The following BIN2 variants were observed in gnomAD, a reference collection of about 807,000 sequenced individuals.
BIN2 encodes bridging integrator 2.
A neutral mutation model predicts 67.9 loss-of-function variants in BIN2; 43 were observed. The observed-to-expected ratio is 0.63, with a 90% CI of 0.50 to 0.82. BIN2 has a LOEUF of 0.82. BIN2 is among the 40% of genes least tolerant of loss of function. BIN2 has a pLI of 0.00. For synonymous variants in BIN2, 244 were observed against 246.8 expected, an observed-to-expected ratio of 0.99 and a Z score of 0.11; for missense variants, 581 against 671.6, an observed-to-expected ratio of 0.87 and a Z score of 1.49.
intron 1 of BIN2, among the ~76,000 whole-genome samples, chr12:51,321,178 G>A (rs1186390936): frequency 6.6e-6 from 1 of 152,188 alleles, no homozygotes; most frequent in Non-Finnish European, 1.5e-5. Context: ...AGATGTGAGA[G>A]TGGCTTATCA....
intron 1 of BIN2, among the ~76,000 whole-genome samples, chr12:51,322,089 C>T (rs1219763635): frequency 6.6e-6 from 1 of 152,180 alleles, no homozygotes; most frequent in Non-Finnish European, 1.5e-5. Context: ...TCTCTACTTC[C>T]TCAGGGTTCA....
At chr12:51,297,403 TAAAA>T in intron 7 of BIN2, 2 of 223,238 alleles carry the variant, frequency 9.0e-6, no homozygotes, top group Non-Finnish European at 1.7e-5. Context: ...CCGTCTCTAC[TAAAA>T]AAAAAAAAAA....
At chr12:51,319,705 T>C (rs1252963282) in intron 1 of BIN2, among the ~76,000 whole-genome samples, 1 of 152,146 alleles carries the variant, frequency 6.6e-6, no homozygotes. Flanking sequence ...TATTCCAGTG[T>C]TCATTGATTA....
At chr12:51,288,367 C>A (rs889543004) in intron 10 of BIN2, among the ~76,000 whole-genome samples, 179 bp from the exon 11 acceptor site, 15 of 152,180 alleles carry the variant, frequency 9.9e-5, no homozygotes, top group African/African-American at 3.6e-4. Context: ...ATCTCACACA[C>A]TTCTCCCGGA....
At chr12:51,312,470 T>C (rs1156481805) in intron 2 of BIN2, among the ~76,000 whole-genome samples, 1 of 152,220 alleles carries the variant, frequency 6.6e-6, no homozygotes, top group Non-Finnish European at 1.5e-5. Context: ...CATATTCCCA[T>C]TGCAATGCTC....
chr12:51,302,032 G>A lies in BIN2; in HGVS notation c.396C>T (p.Phe132=). The change falls in exon 5 of 13, where the codon TTC becomes TTT. Residue 132 remains phenylalanine, a synonymous_variant. Transcript: ENST00000615107. ...VRTMEIYVAQ[F]SEIKERIAKR... ...GTACATTGAGTACCTTAATTTCACTGAACTGGGCAACATAGATTTCCATGG... is the reference window on the plus strand; with the variant it reads ...GTACATTGAGTACCTTAATTTCACTAAACTGGGCAACATAGATTTCCATGG... 2 of 1,612,442 alleles carry A rather than the reference G, an allele frequency of 1.2e-6. No homozygotes were observed. The highest frequency in any genetic ancestry group is 2.2e-5 in the East Asian group (1 of 44,868).
At chr12:51,296,982 A>G in intron 8 of BIN2, 107 bp downstream of exon 8, 1 of 1,047,878 alleles carries the variant, frequency 9.5e-7, no homozygotes, top group Non-Finnish European at 1.4e-6. Context: ...AAAAGCCAAA[A>G]TCTGTGGTGC....
At chr12:51,313,081 A>C (rs985793983) in intron 2 of BIN2, among the ~76,000 whole-genome samples, 18 of 151,930 alleles carry the variant, frequency 1.2e-4, no homozygotes, top group African/African-American at 4.1e-4. Flanking sequence ...AAAAATAAAA[A>C]GAAAAAATTA....
intron 1 of BIN2, among the ~76,000 whole-genome samples, chr12:51,320,834 C>T (rs1042417713): frequency 2.0e-5 from 3 of 151,706 alleles, no homozygotes; most frequent in East Asian, 1.9e-4. Context: ...TGGTAAACAA[C>T]GCCCCTTCTC....
At chr12:51,305,755 G>A (rs952627422) in intron 2 of BIN2, among the ~76,000 whole-genome samples, 1 of 150,944 alleles carries the variant, frequency 6.6e-6, no homozygotes, top group African/African-American at 2.4e-5. Context: ...AGGTCTACTT[G>A]GTCAAATCAA....
In BIN2 at chr12:51,303,095, G is replaced by C. The variant is rs147235873; in HGVS notation, c.209C>G (p.Ala70Gly). The C allele has an allele frequency of 2.0e-3, 3,173 of 1,614,068 alleles. No homozygotes were observed. Among genetic ancestry groups the C allele is most frequent in the Non-Finnish European group, 2.1e-3 (2,517 of 1,179,922 alleles). ...LYKDLKNFLS[A>G]VKVMHESSKR... is the part of the protein sequence containing the mutation. ...CATGCTGCATTGCCCACCTTTGACT[G>C]CACTAAGGAAGTTCTTCAGGTCCTT... Residue 70 changes from alanine (A) to glycine (G), a missense_variant, in exon 3 of 13, where the codon GCA (alanine) becomes GGA (glycine). Ala to Gly is a moderately conservative substitution (Grantham distance 60). Transcript: ENST00000615107.
At chr12:51,302,207 T>G (rs1945743225) in intron 4 of BIN2, 92 bp from the exon 5 acceptor site, 6 of 873,160 alleles carry the variant, frequency 6.9e-6, no homozygotes, top group Admixed American at 2.0e-5. Context: ...GCAAAAACCT[T>G]TTTTGTAGCA....
chr12:51,314,813 GA>G (rs1045061199), intron 1 of BIN2, among the ~76,000 whole-genome samples: 4 of 148,392 alleles, frequency 2.7e-5, no homozygotes, highest in African/African-American at 9.9e-5. Context: ...AAAAAAAAAA[GA>G]AAGAAATAAG....
intron 1 of BIN2, among the ~76,000 whole-genome samples, chr12:51,317,941 T>C (rs1398252147): frequency 6.6e-6 from 1 of 151,860 alleles, no homozygotes; most frequent in Non-Finnish European, 1.5e-5. Context: ...TGACCCGAGA[T>C]AGCGCCACCG....
At chr12:51,305,250 C>T (rs12830766) in intron 2 of BIN2, among the ~76,000 whole-genome samples, 31,714 of 151,424 alleles carry the variant, frequency 0.21, 3,996 homozygotes, top group Middle Eastern at 0.32. Context: ...GCAGGAGAAT[C>T]GCTTGAACCC....
Position 51,302,045 on chromosome 12 carries a change from T to C in BIN2, c.383A>G (p.Tyr128Cys). ...CTTAATTTCACTGAACTGGGCAACA[T>C]AGATTTCCATGGTCCTTACAGCCTG... ...ADQAVRTMEI[Y>C]VAQFSEIKER... The change falls in exon 5 of 13, where the codon TAT (tyrosine) becomes TGT (cysteine). Residue 128 changes from tyrosine to cysteine, a missense_variant. Coordinates refer to ENST00000615107, the MANE Select transcript of BIN2 (RefSeq NM_016293.4). 1.2e-6 allele frequency: 2 copies of C among 1,613,538 alleles called. No individual in the cohort carries two copies. The highest frequency in any genetic ancestry group is 1.7e-6 in the Non-Finnish European group (2 of 1,179,476).
intron 2 of BIN2, among the ~76,000 whole-genome samples, chr12:51,309,676 A>G (rs1182108859): frequency 6.6e-6 from 1 of 152,118 alleles, no homozygotes; most frequent in Non-Finnish European, 1.5e-5. Flanking sequence ...GCACCCAGCT[A>G]GAAGCTTTTC....
chr12:51,297,537 A>G (rs1472002456), intron 7 of BIN2, among the ~76,000 whole-genome samples: 1 of 152,186 alleles, frequency 6.6e-6, no homozygotes, highest in East Asian at 1.9e-4. Flanking sequence ...ACTGCACTCC[A>G]GCCTGGGCGA....
intron 9 of BIN2, among the ~76,000 whole-genome samples, chr12:51,293,356 C>T (rs1362529136): frequency 2.0e-5 from 3 of 152,080 alleles, no homozygotes; most frequent in Admixed American, 1.3e-4. Context: ...GTCGCCCAGG[C>T]GGGAGTGCAG....
Sources: gnomAD v4.1 joint callset for allele counts (sites outside exome capture counted in the v4.1 genomes callset) on GRCh38, gnomAD v4.1.1 for gene constraint, MANE v1.5 for transcripts, NCBI Gene and HGNC (gene_info 2026-07-23, HGNC 2026-07-21) for gene names.